The following TMEM117 variants were observed in gnomAD, a reference collection of about 807,000 sequenced individuals.
The protein encoded by TMEM117 is transmembrane protein 117.
Under a neutral mutation model 52.4 loss-of-function variants are expected in TMEM117, and 27 were observed. The observed-to-expected ratio is 0.51, with a 90% CI of 0.38 to 0.71. TMEM117 has a LOEUF of 0.71. TMEM117 is among the 30% of genes least tolerant of loss of function. The pLI, the probability that TMEM117 is intolerant of heterozygous loss-of-function variation, is 0.00. For missense variants in TMEM117, 556 were observed against 630.5 expected, an observed-to-expected ratio of 0.88 and a Z score of 1.26; for synonymous variants, 215 against 206.3, an observed-to-expected ratio of 1.04 and a Z score of -0.36.
chr12:43,981,017 T>G (rs1945751564), intron 3 of TMEM117, among the ~76,000 whole-genome samples: 2 of 152,158 alleles, frequency 1.3e-5, no homozygotes, highest in African/African-American at 4.8e-5. Context: ...TCCCTTATTA[T>G]CTGCCCTCGC....
At chr12:43,978,481 G>A (rs1459278418) in intron 3 of TMEM117, among the ~76,000 whole-genome samples, 1 of 151,736 alleles carries the variant, frequency 6.6e-6, no homozygotes, top group African/African-American at 2.4e-5. Flanking sequence ...GAACGAGTGA[G>A]GGAATTATGT....
intron 5 of TMEM117, among the ~76,000 whole-genome samples, chr12:44,289,568 TTTGA>T (rs1950678500): frequency 6.9e-6 from 1 of 144,598 alleles, no homozygotes. Flanking sequence ...TTTTTTTTTT[TTTGA>T]GACAGAGTCT....
At chr12:43,887,809 G>T (rs1220706590) in intron 2 of TMEM117, among the ~76,000 whole-genome samples, 1 of 152,174 alleles carries the variant, frequency 6.6e-6, no homozygotes, top group Non-Finnish European at 1.5e-5. Context: ...ACAGTGATGA[G>T]AAGACAGATT....
intron 3 of TMEM117, among the ~76,000 whole-genome samples, chr12:43,959,816 A>G (rs181020232): frequency 2.8e-4 from 42 of 152,346 alleles, no homozygotes; most frequent in African/African-American, 9.4e-4. Context: ...TTAATAAAAT[A>G]TAAGTGACCT....
chr12:43,819,278 G>A, the TMEM117 span, among the ~76,000 whole-genome samples: 26 of 152,204 alleles, frequency 1.7e-4, no homozygotes, highest in African/African-American at 6.0e-4. Context: ...GGCCTCCACC[G>A]GTCTTCAAGT....
At chr12:44,039,611 T>G (rs1946765653) in intron 3 of TMEM117, among the ~76,000 whole-genome samples, 1 of 151,970 alleles carries the variant, frequency 6.6e-6, no homozygotes, top group South Asian at 2.1e-4. Context: ...TATAACACAT[T>G]CACAGATTAA....
chr12:43,809,064 C>T, the TMEM117 span, among the ~76,000 whole-genome samples: 1 of 152,136 alleles, frequency 6.6e-6, no homozygotes, highest in African/African-American at 2.4e-5. Flanking sequence ...TCTGTGTGGT[C>T]AATTGCCAAA....
intron 3 of TMEM117, among the ~76,000 whole-genome samples, chr12:43,988,475 T>A: frequency 6.6e-6 from 1 of 152,126 alleles, no homozygotes; most frequent in East Asian, 1.9e-4. Flanking sequence ...TTATTTCTTC[T>A]CCTTCAGGAA....
chr12:43,921,730 A>G (rs1458847856), intron 2 of TMEM117, among the ~76,000 whole-genome samples: 1 of 152,130 alleles, frequency 6.6e-6, no homozygotes, highest in Non-Finnish European at 1.5e-5. Context: ...TCTCAACTAA[A>G]TATCAAGTTT....
chr12:44,018,443 T>C (rs1310645617), intron 3 of TMEM117, among the ~76,000 whole-genome samples: 2 of 152,208 alleles, frequency 1.3e-5, no homozygotes, highest in Admixed American at 6.5e-5. Flanking sequence ...CTCTACACTA[T>C]ATTAGATGAA....
At chr12:44,102,534 C>A (rs1010242723) in intron 3 of TMEM117, among the ~76,000 whole-genome samples, 3 of 151,722 alleles carry the variant, frequency 2.0e-5, no homozygotes, top group African/African-American at 7.3e-5. Flanking sequence ...CTATTTCTCC[C>A]TCTCCTTTTT....
intron 4 of TMEM117, among the ~76,000 whole-genome samples, chr12:44,185,965 A>T (rs1365505640): frequency 6.6e-6 from 1 of 151,726 alleles, no homozygotes; most frequent in East Asian, 1.9e-4. Flanking sequence ...TCTCACATGC[A>T]TTCTACCACC....
At chr12:43,981,078 C>T (rs188204637) in intron 3 of TMEM117, among the ~76,000 whole-genome samples, 183 of 152,278 alleles carry the variant, frequency 1.2e-3, no homozygotes, top group African/African-American at 4.1e-3. Context: ...TTCCCCAAAG[C>T]TTTGCAAAGC....
intron 6 of TMEM117, among the ~76,000 whole-genome samples, chr12:44,342,977 A>G (rs1448418039): frequency 6.6e-6 from 1 of 151,852 alleles, no homozygotes; most frequent in Non-Finnish European, 1.5e-5. Flanking sequence ...CCCTTCTTCA[A>G]GTGATTCTCG....
chr12:44,335,613 A>G (rs538213981), intron 6 of TMEM117, among the ~76,000 whole-genome samples: 1 of 152,186 alleles, frequency 6.6e-6, no homozygotes, highest in Admixed American at 6.6e-5. Context: ...AATGTATCTA[A>G]TGGTAATAAC....
chr12:44,108,604 A>C (rs1401002136), intron 3 of TMEM117, among the ~76,000 whole-genome samples: 3 of 82,812 alleles, frequency 3.6e-5, no homozygotes, highest in Non-Finnish European at 5.9e-5. Flanking sequence ...CCAGTCTATC[A>C]TTGTTGGACA....
intron 3 of TMEM117, among the ~76,000 whole-genome samples, chr12:44,106,574 G>GATT (rs1309062928): frequency 4.0e-5 from 6 of 151,852 alleles, no homozygotes; most frequent in Admixed American, 3.9e-4. Flanking sequence ...GCACAGCATA[G>GATT]TAACTGTATT....
In TMEM117 at chr12:43,913,986, G is replaced by T. The variant is rs1254021120; in HGVS notation, c.278-30224G>T. Among the ~76,000 whole-genome samples, 4 of 152,012 alleles carry T rather than the reference G, an allele frequency of 2.6e-5. No individual in the cohort carries two copies. The East Asian group carries it at 7.7e-4, about 29-fold the overall frequency. ...TGACTTAGTTCTGTTAATGTTTTTG[G>T]GATACCAGGTATAAATGCCCAGATG... On this transcript the variant is annotated intron_variant, in intron 2 of 7. Transcript: ENST00000266534.
intron 5 of TMEM117, among the ~76,000 whole-genome samples, chr12:44,257,027 A>T (rs769519150): frequency 1.3e-5 from 2 of 149,898 alleles, no homozygotes; most frequent in Non-Finnish European, 3.0e-5. Flanking sequence ...ACCCTTCTTC[A>T]CATAAAGGAA....
Sources: allele counts gnomAD v4.1 joint callset (sites outside exome capture counted in the v4.1 genomes callset), GRCh38; gene constraint gnomAD v4.1.1; transcripts MANE v1.5; gene names NCBI Gene and HGNC (gene_info 2026-07-23, HGNC 2026-07-21).